CHST11: variants seen among roughly 807,000 people sequenced by gnomAD.
CHST11 encodes the protein carbohydrate sulfotransferase 11.
A neutral mutation model predicts 30.4 loss-of-function variants in CHST11; 9 were observed. That is an observed-to-expected ratio of 0.30 (90% CI 0.18 to 0.52). The LOEUF (loss-of-function observed/expected upper bound fraction) is 0.52. CHST11 is among the 20% of genes least tolerant of loss of function. CHST11 has a pLI of 0.97. For missense variants in CHST11, 348 were observed against 460.6 expected (o/e 0.76, Z 2.24); for synonymous variants, 152 against 187.8 (o/e 0.81, Z 1.56).
At chr12:104,565,553 C>A (rs187312825) in intron 1 of CHST11, among the ~76,000 whole-genome samples, 1 of 152,078 alleles carries the variant, frequency 6.6e-6, no homozygotes, top group African/African-American at 2.4e-5. Flanking sequence ...AGGCATAAAC[C>A]ACTGTGCCTG....
chr12:104,483,514 C>T (rs1175627075), intron 1 of CHST11, among the ~76,000 whole-genome samples: 2 of 152,144 alleles, frequency 1.3e-5, no homozygotes, highest in Non-Finnish European at 2.9e-5. Context: ...CCTCCCCATG[C>T]ACTTTGACTT....
At chr12:104,526,333 A>G (rs753727073) in intron 1 of CHST11, among the ~76,000 whole-genome samples, 1 of 152,174 alleles carries the variant, frequency 6.6e-6, no homozygotes, top group Non-Finnish European at 1.5e-5. Flanking sequence ...TTTTAAACTT[A>G]AGGAGCCCAG....
chr12:104,533,131 A>G (rs901693950), intron 1 of CHST11, among the ~76,000 whole-genome samples: 1 of 152,132 alleles, frequency 6.6e-6, no homozygotes, highest in Non-Finnish European at 1.5e-5. Flanking sequence ...TACCCTCAAC[A>G]GATTCCATCA....
intron 2 of CHST11, among the ~76,000 whole-genome samples, chr12:104,687,325 A>G (rs551189161): frequency 2.6e-5 from 4 of 152,388 alleles, no homozygotes; most frequent in African/African-American, 9.6e-5. Context: ...AGAGGCACTA[A>G]GTAAATGTGT....
At chr12:104,755,521 C>T (rs750177137) in intron 2 of CHST11, among the ~76,000 whole-genome samples, 12 of 152,236 alleles carry the variant, frequency 7.9e-5, no homozygotes, top group Middle Eastern at 6.8e-3. Context: ...CACAGTGGCT[C>T]ACCCCTGCAG....
At chr12:104,510,957 AG>A (rs1237217945) in intron 1 of CHST11, among the ~76,000 whole-genome samples, 2 of 152,180 alleles carry the variant, frequency 1.3e-5, no homozygotes, top group African/African-American at 4.8e-5. Flanking sequence ...AGTAGGTTGG[AG>A]GGGAACTTTA....
intron 2 of CHST11, among the ~76,000 whole-genome samples, chr12:104,629,358 C>T (rs761897906): frequency 9.9e-5 from 15 of 152,152 alleles, no homozygotes; most frequent in Non-Finnish European, 2.2e-4. Flanking sequence ...TGGTTGTTGG[C>T]AGAAATTGTT....
chr12:104,740,351 G>A (rs1407818296), intron 2 of CHST11, among the ~76,000 whole-genome samples: 3 of 152,202 alleles, frequency 2.0e-5, no homozygotes, highest in Non-Finnish European at 2.9e-5. Context: ...CTATTTCATA[G>A]GAATGTTATG....
intron 2 of CHST11, among the ~76,000 whole-genome samples, chr12:104,703,537 T>C (rs530324467): frequency 6.6e-6 from 1 of 152,148 alleles, no homozygotes; most frequent in South Asian, 2.1e-4. Flanking sequence ...CTCACCTGGA[T>C]GAACCCATCC....
At chr12:104,639,500 GC>G (rs2039355519) in intron 2 of CHST11, among the ~76,000 whole-genome samples, 1 of 152,134 alleles carries the variant, frequency 6.6e-6, no homozygotes, top group African/African-American at 2.4e-5. Context: ...TTTTCATGAG[GC>G]AGCCAAGCTA....
intron 1 of CHST11, among the ~76,000 whole-genome samples, chr12:104,570,791 A>G (rs2038616445): frequency 1.3e-5 from 2 of 151,602 alleles, no homozygotes; most frequent in African/African-American, 4.9e-5. Context: ...CCCAAGTGCA[A>G]GTGAATCTCC....
chr12:104,556,159 T>G (rs546487133), intron 1 of CHST11, among the ~76,000 whole-genome samples: 1 of 152,330 alleles, frequency 6.6e-6, no homozygotes, highest in African/African-American at 2.4e-5. Flanking sequence ...TATTTTTTTA[T>G]TCTGTATAAG....
chr12:104,522,396 C>T (rs1323356818), intron 1 of CHST11, among the ~76,000 whole-genome samples: 2 of 152,184 alleles, frequency 1.3e-5, no homozygotes, highest in Non-Finnish European at 2.9e-5. Context: ...TCGTGTTTGG[C>T]ATTTAGTGGG....
At chr12:104,624,481 T>G (rs1197756912) in intron 2 of CHST11, among the ~76,000 whole-genome samples, 1 of 152,012 alleles carries the variant, frequency 6.6e-6, no homozygotes. Flanking sequence ...TGGGATATGT[T>G]TGTTGAATGA....
At chr12:104,579,659 G>A (rs1025922348) in intron 1 of CHST11, among the ~76,000 whole-genome samples, 6 of 152,122 alleles carry the variant, frequency 3.9e-5, no homozygotes, top group Admixed American at 1.3e-4. Context: ...TGGATGCGCC[G>A]CCCCTCTCCC....
At chr12:104,682,652 T>C (rs1285695997) in intron 2 of CHST11, among the ~76,000 whole-genome samples, 2 of 152,220 alleles carry the variant, frequency 1.3e-5, no homozygotes, top group African/African-American at 2.4e-5. Flanking sequence ...CAAACTGACA[T>C]TGGGAGAATC....
chr12:104,695,272 G>A (rs961999183), intron 2 of CHST11, among the ~76,000 whole-genome samples: 5 of 152,154 alleles, frequency 3.3e-5, no homozygotes, highest in African/African-American at 1.2e-4. Context: ...ATTGTGGGGA[G>A]GGCCTCAGCT....
chr12:104,630,585 G>T (rs2039261027), intron 2 of CHST11, among the ~76,000 whole-genome samples: 1 of 152,150 alleles, frequency 6.6e-6, no homozygotes, highest in African/African-American at 2.4e-5. Flanking sequence ...TTGGTAAATT[G>T]GCCTTCCCGA....
chr12:104,656,207 A>G (rs1279332226), intron 2 of CHST11, among the ~76,000 whole-genome samples: 6 of 152,246 alleles, frequency 3.9e-5, no homozygotes, highest in South Asian at 2.1e-4. Context: ...TGAGGAACAG[A>G]GGGAAGACCA....
Sources: gnomAD v4.1 joint callset for allele counts (sites outside exome capture counted in the v4.1 genomes callset) on GRCh38, gnomAD v4.1.1 for gene constraint, MANE v1.5 for transcripts, NCBI Gene and HGNC (gene_info 2026-07-23, HGNC 2026-07-21) for gene names.